OPHN1: variants seen among roughly 807,000 people sequenced by gnomAD.
The protein encoded by OPHN1 is oligophrenin 1.
Under a neutral mutation model 60.7 loss-of-function variants are expected in OPHN1, and 11 were observed. The ratio of observed to expected loss-of-function variants is 0.18; its 90% CI spans 0.11 to 0.30. The LOEUF is 0.30. OPHN1 is among the 10% of genes least tolerant of loss of function. The pLI is 1.00. For missense variants in OPHN1, 449 were observed against 611.0 expected, an observed-to-expected ratio of 0.73 and a Z score of 2.80; for synonymous variants, 226 against 222.6, an observed-to-expected ratio of 1.02 and a Z score of -0.14.
chrX:68,079,400 C>A, intron 19 of OPHN1, among the ~76,000 whole-genome samples: 1 of 112,013 alleles, frequency 8.9e-6, no homozygotes, highest in Non-Finnish European at 1.9e-5. Context: ...ATGATCACCA[C>A]TGGCCTGCTG....
At chrX:68,213,617 A>G (rs1480725332) in intron 7 of OPHN1, among the ~76,000 whole-genome samples, 5 of 108,282 alleles carry the variant, frequency 4.6e-5, no homozygotes, top group Non-Finnish European at 9.6e-5. Context: ...AGGGGGGAGG[A>G]AAGAGAAAGG....
chrX:68,418,018 A>G, intron 2 of OPHN1, among the ~76,000 whole-genome samples: 1 of 112,548 alleles, frequency 8.9e-6, no homozygotes, highest in Admixed American at 9.4e-5. Context: ...AATCTCTATA[A>G]TGAGCTCTGC....
At position 68,309,616 on chromosome X, in the gene OPHN1, C is replaced by T. The variant is rs142059043; in HGVS notation, c.155-10520G>A. Among the ~76,000 whole-genome samples, 11 of 112,081 alleles carry T rather than the reference C, an allele frequency of 9.8e-5. No individual in the cohort carries two copies. The East Asian group carries it at 2.8e-3, about 29-fold the overall frequency. ...CTTGCAACACCAAAATCAATACTTA[C>T]GACATTTTGCCCACTCATTCATGGA... On this transcript the variant is annotated intron_variant, in intron 2 of 24. Coordinates refer to ENST00000355520, the MANE Select transcript of OPHN1 (RefSeq NM_002547.3).
intron 6 of OPHN1, among the ~76,000 whole-genome samples, chrX:68,220,314 A>G (rs2077647344): frequency 9.3e-6 from 1 of 107,500 alleles, no homozygotes; most frequent in Non-Finnish European, 1.9e-5. Context: ...AAAAGAGTCC[A>G]GGACCAGATG....
At chrX:68,114,687 C>A (rs762312496) in intron 16 of OPHN1, among the ~76,000 whole-genome samples, 94 of 110,932 alleles carry the variant, frequency 8.5e-4, no homozygotes, top group Non-Finnish European at 1.4e-3. Context: ...ACTGCTTCAG[C>A]CTGAGAGAGA....
intron 19 of OPHN1, among the ~76,000 whole-genome samples, chrX:68,081,272 AG>A (rs1302772641): frequency 8.9e-6 from 1 of 111,782 alleles, no homozygotes; most frequent in Non-Finnish European, 1.9e-5. Context: ...GAGAGTACAA[AG>A]TAGAGGTCAA....
At chrX:68,252,837 A>G (rs1259730882) in intron 5 of OPHN1, among the ~76,000 whole-genome samples, 1 of 111,003 alleles carries the variant, frequency 9.0e-6, no homozygotes, top group Non-Finnish European at 1.9e-5. Flanking sequence ...TCTCACACAC[A>G]CAGAGGCTAC....
Position 68,274,722 on chromosome X carries a change from T to C in OPHN1, c.384+16A>G. The stretch of plus-strand genomic sequence containing the variant: ...TTGCTATTTTAAAAAATCTTATGCA[T>C]ATACAGAAAATGTACCTTGGTGAAG... On this transcript the variant is annotated intron_variant, in intron 5 of 24. Transcript: ENST00000355520. 1 of 1,145,319 alleles carries C rather than the reference T, an allele frequency of 8.7e-7. No homozygotes were observed. Among genetic ancestry groups the C allele is most frequent in the African/African-American group, 1.8e-5 (1 of 56,589 alleles). 94.4% of individuals were successfully genotyped at this position (1,145,319 alleles called of 1,213,427 possible).
intron 15 of OPHN1, among the ~76,000 whole-genome samples, chrX:68,152,606 C>T (rs2077289772): frequency 2.7e-5 from 3 of 109,746 alleles, no homozygotes; most frequent in African/African-American, 1.0e-4. Flanking sequence ...CCATGCCCAG[C>T]TAATTTTTGT....
chrX:68,366,947 T>C (rs915123428), intron 2 of OPHN1, among the ~76,000 whole-genome samples: 1 of 110,827 alleles, frequency 9.0e-6, no homozygotes, highest in African/African-American at 3.3e-5. Context: ...GGTTACAGAG[T>C]GGAGCCAGGA....
At chrX:68,351,873 C>CTTTT (rs58051308) in intron 2 of OPHN1, among the ~76,000 whole-genome samples, 1 of 29,552 alleles carries the variant, frequency 3.4e-5, no homozygotes, top group Non-Finnish European at 6.0e-5. Context: ...ATTTTTTTTT[C>CTTTT]TTTTTTTTTT....
At chrX:68,270,249 A>G (rs1404126353) in intron 5 of OPHN1, among the ~76,000 whole-genome samples, 3 of 111,342 alleles carry the variant, frequency 2.7e-5, no homozygotes, top group African/African-American at 9.8e-5. Context: ...GTATATACCC[A>G]AAGGATTATA....
chrX:68,137,221 T>C (rs1276535890), intron 15 of OPHN1, among the ~76,000 whole-genome samples: 2 of 111,775 alleles, frequency 1.8e-5, no homozygotes, highest in Non-Finnish European at 3.8e-5. Flanking sequence ...TGCATTTCTT[T>C]ACCTGAAAAA....
At chrX:68,233,382 T>A (rs1376714564) in intron 6 of OPHN1, among the ~76,000 whole-genome samples, 1 of 112,259 alleles carries the variant, frequency 8.9e-6, no homozygotes, top group Non-Finnish European at 1.9e-5. Flanking sequence ...TTCCATCAGA[T>A]ATCTCTTTTC....
chrX:68,319,135 C>A (rs1160810648), intron 2 of OPHN1, among the ~76,000 whole-genome samples: 1 of 110,889 alleles, frequency 9.0e-6, no homozygotes, highest in African/African-American at 3.3e-5. Flanking sequence ...CACATTTATG[C>A]CCTCCTGAGG....
At chrX:68,210,018 C>G (rs1476318965) in intron 9 of OPHN1, 135 bp downstream of exon 9, 1 of 610,018 alleles carries the variant, frequency 1.6e-6, no homozygotes, top group Non-Finnish European at 2.6e-6. Flanking sequence ...TTTCAGTATT[C>G]CCTGCCTGCG....
rs948952041 is a variant in OPHN1 at position 68,162,989 on chromosome X, CCTG to C, written c.1276+29927_1276+29929del. ...ATAATAAATCATGTATTATTTAAAACCTGCTAGTACTTTAGTCTGAATCTTTGC... is the reference window on the plus strand; with the variant it reads ...ATAATAAATCATGTATTATTTAAAACCTAGTACTTTAGTCTGAATCTTTGC... On this transcript the variant is annotated intron_variant, in intron 15 of 24. Transcript: ENST00000355520. 9.0e-5 allele frequency among the ~76,000 whole-genome samples: 10 copies of C among 110,854 alleles called. No homozygotes were observed. The East Asian group carries it at 2.3e-3, about 25-fold the overall frequency.
intron 2 of OPHN1, among the ~76,000 whole-genome samples, chrX:68,351,514 A>C (rs2078410485): frequency 9.0e-6 from 1 of 111,550 alleles, no homozygotes; most frequent in African/African-American, 3.3e-5. Context: ...CATATATTCC[A>C]AATTTGGTTC....
chrX:68,145,029 G>T (rs1434019624), intron 15 of OPHN1, among the ~76,000 whole-genome samples: 2 of 111,518 alleles, frequency 1.8e-5, no homozygotes, highest in Non-Finnish European at 3.8e-5. Context: ...ACTGAGGAAA[G>T]TCTTCGATGA....
Sources: allele counts gnomAD v4.1 joint callset (sites outside exome capture counted in the v4.1 genomes callset), GRCh38; gene constraint gnomAD v4.1.1; transcripts MANE v1.5; gene names NCBI Gene and HGNC (gene_info 2026-07-23, HGNC 2026-07-21).